OAF: variants seen among roughly 807,000 people sequenced by gnomAD.
OAF encodes out at first homolog, also known as out at first protein homolog.
A neutral mutation model predicts 22.5 loss-of-function variants in OAF; 13 were observed. The ratio of observed to expected loss-of-function variants is 0.58; its 90% CI spans 0.38 to 0.92. OAF has a LOEUF of 0.92. Among genes scored for constraint, OAF ranks in the 40% least tolerant of loss-of-function variants. The pLI is 0.00. For missense variants in OAF, 347 were observed against 381.8 expected (o/e 0.91, Z 0.76); for synonymous variants, 175 against 170.5 (o/e 1.03, Z -0.21).
chr11:120,215,867 T>C (rs1207722485), intron 1 of OAF, among the ~76,000 whole-genome samples: 2 of 151,980 alleles, frequency 1.3e-5, no homozygotes, highest in Non-Finnish European at 2.9e-5. Flanking sequence ...CTGACAGATA[T>C]GAAGAAGGTC....
At chr11:120,228,234 G>A (rs1938388525) in intron 3 of OAF, among the ~76,000 whole-genome samples, 1 of 152,026 alleles carries the variant, frequency 6.6e-6, no homozygotes, top group Non-Finnish European at 1.5e-5. Context: ...ATAGGTGCCC[G>A]CCACTGTGCC....
At chr11:120,227,522 C>G (rs1167808012) in intron 3 of OAF, among the ~76,000 whole-genome samples, 1 of 152,140 alleles carries the variant, frequency 6.6e-6, no homozygotes, top group Non-Finnish European at 1.5e-5. Context: ...ACCCTGCCCC[C>G]CTCCACTGAC....
At chr11:120,227,272 G>A (rs758343213) in intron 3 of OAF, among the ~76,000 whole-genome samples, 22 of 152,184 alleles carry the variant, frequency 1.4e-4, no homozygotes, top group African/African-American at 5.1e-4. Context: ...AGCTACAGGC[G>A]TTCAGGGAGG....
intron 1 of OAF, among the ~76,000 whole-genome samples, chr11:120,219,766 T>C (rs1938257745): frequency 6.6e-6 from 1 of 152,174 alleles, no homozygotes. Flanking sequence ...GCTCTGCCAC[T>C]GTGTGACTCA....
chr11:120,229,092 G>C lies in OAF; in HGVS notation c.772G>C (p.Val258Leu). Residue 258 changes from valine (V) to leucine (L), a missense_variant, in exon 4 of 4, where the codon GTG becomes CTG. Val to Leu is a conservative substitution (Grantham distance 32). Coordinates refer to ENST00000328965, the MANE Select transcript of OAF (RefSeq NM_178507.4). ...GAAGAGCTACAGCTTCGACTTCTAC[G>C]TGCCCCAGAGGCAGCTGTGTCTCTG... is the stretch of plus-strand genomic sequence containing the variant. Reference protein sequence around the residue: ...CQKSYSFDFYVPQRQLCLWDE... With the variant: ...CQKSYSFDFYLPQRQLCLWDE... 6.2e-7 allele frequency: 1 copy of C among 1,613,626 alleles called. No individual in the cohort carries two copies. Among genetic ancestry groups the C allele is most frequent in the Non-Finnish European group, 8.5e-7 (1 of 1,179,954 alleles).
At chr11:120,215,825 G>T (rs770940426) in intron 1 of OAF, among the ~76,000 whole-genome samples, 7 of 152,172 alleles carry the variant, frequency 4.6e-5, no homozygotes, top group Non-Finnish European at 8.8e-5. Flanking sequence ...CAGGCTGCCT[G>T]CCTTGGGGCT....
intron 1 of OAF, among the ~76,000 whole-genome samples, chr11:120,213,565 C>T (rs929746137): frequency 9.2e-5 from 14 of 152,110 alleles, no homozygotes; most frequent in African/African-American, 3.4e-4. Context: ...TCTCCATTGG[C>T]CTAGGACGGG....
intron 3 of OAF, among the ~76,000 whole-genome samples, chr11:120,227,720 C>T (rs1383402526): frequency 1.3e-5 from 2 of 152,144 alleles, no homozygotes; most frequent in African/African-American, 2.4e-5. Flanking sequence ...AGGGAAATGG[C>T]GCCATTCCAA....
At position 120,225,839 on chromosome 11, in the gene OAF, A is replaced by AGCAGACCCGGCCCAGATCCCGTCCC. The variant is rs748850104; in HGVS notation, c.366+64_366+65insGTCCCGCAGACCCGGCCCAGATCCC. ...CTGCCTGGCCCAGGTCCTGACCCGC[A>AGCAGACCCGGCCCAGATCCCGTCCC]GCAGACCCGGCCCAGATCCCATCCC... On this transcript the variant is annotated intron_variant, in intron 2 of 3. Coordinates refer to ENST00000328965, the MANE Select transcript of OAF (RefSeq NM_178507.4). 1,490 of 1,566,212 alleles carry AGCAGACCCGGCCCAGATCCCGTCCC rather than the reference A, an allele frequency of 9.5e-4. 13 individuals carry two copies. In the African/African-American group the frequency reaches 0.018, roughly 18 times the overall value.
chr11:120,228,821 T>TGCCAGCCCAA, intron 3 of OAF, 47 bp from the exon 4 acceptor site: 1 of 520,278 alleles, frequency 1.9e-6, no homozygotes, highest in Non-Finnish European at 3.6e-6. Context: ...GGGAGCTCCT[T>TGCCAGCCCAA]CCCTCCCTCC....
chr11:120,220,337 CCTT>C (rs1938264459), intron 1 of OAF, among the ~76,000 whole-genome samples: 1 of 152,142 alleles, frequency 6.6e-6, no homozygotes, highest in Non-Finnish European at 1.5e-5. Context: ...CACTCACGAC[CCTT>C]CCCCTCCTCC....
chr11:120,229,268 G>GGGA lies in OAF; in HGVS notation c.*127_*128insGAG. ...CCCACTCCCCTGGCCCTAGAGCCTG[G>GGGA]GCCCCTCTGGCCCCATCTCACATGA... On this transcript the variant is annotated 3_prime_UTR_variant, in exon 4 of 4. Transcript: ENST00000328965. 1 of 825,066 alleles carries GGGA rather than the reference G, an allele frequency of 1.2e-6. No individual in the cohort carries two copies. Among genetic ancestry groups the GGGA allele is most frequent in the Non-Finnish European group, 1.9e-6 (1 of 534,616 alleles). 51.1% of individuals were successfully genotyped at this position (825,066 alleles called of 1,614,324 possible). A position where few individuals can be genotyped will look rare whatever the true frequency, so the allele number is the denominator to read the frequency against.
chr11:120,220,701 GA>G (rs1163786815), intron 1 of OAF, among the ~76,000 whole-genome samples: 1 of 152,190 alleles, frequency 6.6e-6, no homozygotes, highest in Non-Finnish European at 1.5e-5. Context: ...TGAGACAGCT[GA>G]GCACAGGGCA....
At chr11:120,222,336 T>A (rs910393096) in intron 1 of OAF, among the ~76,000 whole-genome samples, 1 of 151,828 alleles carries the variant, frequency 6.6e-6, no homozygotes, top group African/African-American at 2.4e-5. Flanking sequence ...GGCAGGCGGA[T>A]CACCTGAGGT....
At position 120,229,264 on chromosome 11, in the gene OAF, C is replaced by A; in HGVS notation, c.*122C>A. 1.1e-6 allele frequency: 1 copy of A among 919,398 alleles called. No individual in the cohort carries two copies. The highest frequency in any genetic ancestry group is 1.6e-6 in the Non-Finnish European group (1 of 612,730). The allele number at this position is 919,398 out of a possible 1,614,324, so 57.0% of individuals were successfully genotyped here. ...CCTCCCCACTCCCCTGGCCCTAGAG[C>A]CTGGGCCCCTCTGGCCCCATCTCAC... is the stretch of plus-strand genomic sequence containing the variant. On this transcript the variant is annotated 3_prime_UTR_variant, in exon 4 of 4. Transcript: ENST00000328965.
rs185000456 is a variant in OAF, at chr11:120,213,014, C to G, written c.231+1504C>G. 3.3e-5 allele frequency among the ~76,000 whole-genome samples: 5 copies of G among 151,628 alleles called. No individual in the cohort carries two copies. In the East Asian group the frequency reaches 7.9e-4, roughly 24 times the overall value. ...GGAATCGGGGATCTAATCTTCTGTCCAAGCCCTTTGTCCTTGAAAGTTAGC... is the reference window on the plus strand; with the variant it reads ...GGAATCGGGGATCTAATCTTCTGTCGAAGCCCTTTGTCCTTGAAAGTTAGC... On this transcript the variant is annotated intron_variant, in intron 1 of 3. Coordinates refer to ENST00000328965, the MANE Select transcript of OAF (RefSeq NM_178507.4).
chr11:120,226,972 G>T lies in OAF; in HGVS notation c.523G>T (p.Asp175Tyr). Residue 175 changes from aspartate (D) to tyrosine (Y), a missense_variant, in exon 3 of 4, where the codon GAT (aspartate) becomes TAT (tyrosine). Transcript: ENST00000328965. ...GGATGCCATCTACACCCGCCAGGAG[G>T]ATGTCCGGTTCTGGCTGGAGCAAGG... ...AVDAIYTRQE[D>Y]VRFWLEQGVD... 1.2e-6 allele frequency: 2 copies of T among 1,601,592 alleles called. No homozygotes were observed. Among genetic ancestry groups the T allele is most frequent in the Admixed American group, 1.7e-5 (1 of 59,730 alleles).
chr11:120,225,274 GAA>G (rs746592455), intron 1 of OAF, among the ~76,000 whole-genome samples: 1 of 139,700 alleles, frequency 7.2e-6, no homozygotes. Flanking sequence ...CAACTACAAA[GAA>G]AAAAAAAAAA....
At chr11:120,216,309 T>C (rs1250235057) in intron 1 of OAF, among the ~76,000 whole-genome samples, 1 of 152,150 alleles carries the variant, frequency 6.6e-6, no homozygotes, top group African/African-American at 2.4e-5. Context: ...AGCACATAGA[T>C]GTGGGACCGA....
Sources: allele counts gnomAD v4.1 joint callset (sites outside exome capture counted in the v4.1 genomes callset), GRCh38; gene constraint gnomAD v4.1.1; transcripts MANE v1.5; gene names NCBI Gene and HGNC (gene_info 2026-07-23, HGNC 2026-07-21).